TRPM3: variants seen among roughly 807,000 people sequenced by gnomAD.
TRPM3 encodes transient receptor potential cation channel subfamily M member 3.
TRPM3 carries 77 observed loss-of-function variants against 181.2 expected under a neutral mutation model. The ratio of observed to expected loss-of-function variants is 0.42; its 90% CI spans 0.35 to 0.51. The LOEUF is 0.51. Among genes scored for constraint, TRPM3 ranks in the 20% least tolerant of loss-of-function variants. The pLI is 0.01. For synonymous variants in TRPM3, 745 were observed against 796.4 expected (o/e 0.94, Z 1.09); for missense variants, 1,759 against 2,196.7 (o/e 0.80, Z 3.98).
intron 8 of TRPM3, among the ~76,000 whole-genome samples, chr9:70,689,862 A>G (rs142904734): frequency 7.2e-4 from 109 of 152,296 alleles, no homozygotes; most frequent in South Asian, 1.7e-3. Context: ...CACCACCTAA[A>G]TAACAAGACA....
At chr9:71,302,979 C>T (rs1362082650) in intron 1 of TRPM3, among the ~76,000 whole-genome samples, 1 of 151,958 alleles carries the variant, frequency 6.6e-6, no homozygotes, top group Non-Finnish European at 1.5e-5. Context: ...TGCAGAGTTT[C>T]GGAACTTGAA....
intron 9 of TRPM3, among the ~76,000 whole-genome samples, chr9:70,675,812 G>A (rs540838356): frequency 6.6e-6 from 1 of 152,044 alleles, no homozygotes; most frequent in Non-Finnish European, 1.5e-5. Context: ...TCCAAAGATC[G>A]CTATCTCCTT....
chr9:71,435,089 C>A (rs1055746241), intron 1 of TRPM3, among the ~76,000 whole-genome samples: 1 of 152,084 alleles, frequency 6.6e-6, no homozygotes, highest in Non-Finnish European at 1.5e-5. Context: ...TGTACAGCTT[C>A]GATTTAATTA....
chr9:70,611,931 C>T (rs1288744020), intron 18 of TRPM3, among the ~76,000 whole-genome samples: 1 of 152,208 alleles, frequency 6.6e-6, no homozygotes, highest in African/African-American at 2.4e-5. Context: ...CCCTGGGTCA[C>T]TCAGACGGGA....
chr9:71,177,888 G>T (rs1180489620), intron 1 of TRPM3, among the ~76,000 whole-genome samples: 1 of 148,692 alleles, frequency 6.7e-6, no homozygotes, highest in Admixed American at 6.8e-5. Context: ...ACTATAGGGA[G>T]CTGTATTTTT....
At chr9:71,312,508 G>T (rs895507354) in intron 1 of TRPM3, among the ~76,000 whole-genome samples, 1 of 152,166 alleles carries the variant, frequency 6.6e-6, no homozygotes, top group African/African-American at 2.4e-5. Flanking sequence ...CTATAAAACT[G>T]AACATACTCT....
chr9:71,250,629 A>C (rs926292507), intron 1 of TRPM3, among the ~76,000 whole-genome samples: 28 of 152,170 alleles, frequency 1.8e-4, no homozygotes, highest in Admixed American at 1.4e-3. Context: ...AGTCTCAAGG[A>C]GCGCTTTGGA....
At chr9:70,942,084 T>C (rs566306299) in intron 1 of TRPM3, among the ~76,000 whole-genome samples, 1 of 152,288 alleles carries the variant, frequency 6.6e-6, no homozygotes, top group Non-Finnish European at 1.5e-5. Context: ...GACAAATGTA[T>C]CATACAGTTT....
intron 1 of TRPM3, among the ~76,000 whole-genome samples, chr9:71,078,232 T>A (rs945802988): frequency 3.9e-5 from 6 of 152,284 alleles, no homozygotes; most frequent in African/African-American, 1.4e-4. Context: ...AAACGAAATA[T>A]ACAGATATGC....
At chr9:70,898,007 T>C (rs938471303) in intron 1 of TRPM3, among the ~76,000 whole-genome samples, 17 of 152,160 alleles carry the variant, frequency 1.1e-4, no homozygotes, top group African/African-American at 4.1e-4. Context: ...CAGATCCTCT[T>C]GCTTGAATAA....
intron 1 of TRPM3, among the ~76,000 whole-genome samples, chr9:71,387,284 G>C (rs1012409157): frequency 6.6e-6 from 1 of 152,132 alleles, no homozygotes; most frequent in African/African-American, 2.4e-5. Context: ...ATCAAACCTA[G>C]TTTCTGAATT....
chr9:70,863,112 C>T lies in TRPM3; in HGVS notation c.258G>A (p.Arg86=), dbSNP rs1255979987. The change falls in exon 3 of 26, where the codon AGG becomes AGA. Residue 86 remains arginine, a splice_region_variant and synonymous_variant. Transcript: ENST00000677713. The part of the protein sequence containing the change: ...HIIPSTKDPH[R]CCCGRLIGQH... ...GGCCTATCAGACGCCCACAGCAACA[C>T]CTATAACAGAAGAGGTTAAAGTGAA... is the stretch of plus-strand genomic sequence containing the variant. The T allele has an allele frequency of 1.9e-6, 3 of 1,612,368 alleles. No individual in the cohort carries two copies. Among genetic ancestry groups the T allele is most frequent in the Non-Finnish European group, 1.7e-6 (2 of 1,179,044 alleles).
intron 1 of TRPM3, among the ~76,000 whole-genome samples, chr9:71,240,636 T>A (rs747431135): frequency 1.3e-5 from 2 of 150,662 alleles, no homozygotes; most frequent in African/African-American, 2.5e-5. Context: ...GCAACAAATA[T>A]ATCTTCTCTT....
At chr9:70,899,460 C>G (rs1019136846) in intron 1 of TRPM3, among the ~76,000 whole-genome samples, 1 of 152,150 alleles carries the variant, frequency 6.6e-6, no homozygotes, top group Non-Finnish European at 1.5e-5. Flanking sequence ...TCCTTCACAT[C>G]TTACACTTGA....
chr9:71,409,178 T>A (rs1419446226), intron 1 of TRPM3, among the ~76,000 whole-genome samples: 1 of 152,142 alleles, frequency 6.6e-6, no homozygotes, highest in East Asian at 1.9e-4. Context: ...AGACCATCGA[T>A]GCTAGGAAGA....
chr9:70,990,167 G>C (rs2097463825), intron 1 of TRPM3, among the ~76,000 whole-genome samples: 1 of 152,192 alleles, frequency 6.6e-6, no homozygotes, highest in Non-Finnish European at 1.5e-5. Flanking sequence ...TCTGAGACAA[G>C]ATGCACTATT....
intron 1 of TRPM3, among the ~76,000 whole-genome samples, chr9:71,274,314 T>C (rs1192013405): frequency 2.0e-5 from 3 of 152,348 alleles, no homozygotes; most frequent in African/African-American, 4.8e-5. Flanking sequence ...TTGTTTGTCA[T>C]GGAACTTAGT....
In TRPM3 at chr9:70,971,028, C is replaced by T. The variant is rs150234257; in HGVS notation, c.178-106517G>A. Reference sequence around the variant, plus strand: ...AAAGCTATTTAGATTTCTTATCCCACTCGCTGTTATACACAATTAATGCTG... The same window carrying T: ...AAAGCTATTTAGATTTCTTATCCCATTCGCTGTTATACACAATTAATGCTG... On this transcript the variant is annotated intron_variant, in intron 1 of 25. Transcript: ENST00000677713. Among the ~76,000 whole-genome samples, 833 of 152,284 alleles carry T rather than the reference C, an allele frequency of 5.5e-3. 9 individuals carry two copies. The highest frequency in any genetic ancestry group is 0.019 in the African/African-American group (790 of 41,558).
intron 1 of TRPM3, among the ~76,000 whole-genome samples, chr9:70,893,907 G>GA (rs2096246958): frequency 1.3e-5 from 2 of 152,146 alleles, no homozygotes; most frequent in South Asian, 4.2e-4. Flanking sequence ...AAAAGAAGCT[G>GA]AAAAAAATGA....
Sources: gnomAD v4.1 joint callset for allele counts (sites outside exome capture counted in the v4.1 genomes callset) on GRCh38, gnomAD v4.1.1 for gene constraint, MANE v1.5 for transcripts, NCBI Gene and HGNC (gene_info 2026-07-23, HGNC 2026-07-21) for gene names.